Variants in HDAC9 observed in about 807,000 individuals in gnomAD.
HDAC9 encodes MEF-2 interacting transcription repressor (MITR) protein.
In HDAC9, 41 loss-of-function variants were observed where a neutral mutation model predicts 139.4. The observed-to-expected ratio is 0.29, with a 90% CI of 0.23 to 0.38. The LOEUF is 0.38. Among genes scored for constraint, HDAC9 ranks in the 10% least tolerant of loss-of-function variants. The probability of loss-of-function intolerance (pLI) is 1.00; values close to 1 mark genes in which losing one functional copy is unlikely to be tolerated. For synonymous variants in HDAC9, 517 were observed against 476.2 expected (o/e 1.09, Z -1.12); for missense variants, 1,147 against 1,297.0 (o/e 0.88, Z 1.78).
intron 21 of HDAC9, among the ~76,000 whole-genome samples, chr7:18,853,860 G>T (rs1198146483): frequency 6.6e-6 from 1 of 152,120 alleles, no homozygotes. Flanking sequence ...ATTTTTCTCA[G>T]AAGTTACCTA....
At chr7:18,961,173 C>G (rs1182694152) in intron 24 of HDAC9, among the ~76,000 whole-genome samples, 3 of 152,100 alleles carry the variant, frequency 2.0e-5, no homozygotes. Flanking sequence ...AAGGTATTCC[C>G]AATATTGGAA....
chr7:18,455,473 T>A (rs900342764), intron 1 of HDAC9, among the ~76,000 whole-genome samples: 1 of 152,238 alleles, frequency 6.6e-6, no homozygotes, highest in African/African-American at 2.4e-5. Context: ...TTGTTACTGG[T>A]ATTTATCTTT....
intron 17 of HDAC9, among the ~76,000 whole-genome samples, chr7:18,820,631 G>A (rs1794893403): frequency 1.3e-5 from 2 of 152,044 alleles, no homozygotes; most frequent in South Asian, 4.1e-4. Flanking sequence ...TGGCCAGAGG[G>A]AGAGGAAAAA....
chr7:18,385,385 A>G (rs1785823369), intron 1 of HDAC9, among the ~76,000 whole-genome samples: 1 of 152,148 alleles, frequency 6.6e-6, no homozygotes, highest in Non-Finnish European at 1.5e-5. Context: ...GAAATGAATA[A>G]AGTTGCCTTA....
rs189181386 is a variant in HDAC9 at position 18,632,268 on chromosome 7, T to G, written c.797-2359T>G. On this transcript the variant is annotated intron_variant, in intron 7 of 25. Transcript: ENST00000686413. ...CAGAAAGGCAGTGAGCAAAATGTGT[T>G]TAAGTATTTTATTATACTAATAATT... Among the ~76,000 whole-genome samples, 3 of 152,202 alleles carry G rather than the reference T, an allele frequency of 2.0e-5. No homozygotes were observed. The East Asian group carries it at 5.8e-4, about 29-fold the overall frequency.
At chr7:18,617,851 C>A (rs1162655470) in intron 6 of HDAC9, among the ~76,000 whole-genome samples, 2 of 152,040 alleles carry the variant, frequency 1.3e-5, no homozygotes, top group Non-Finnish European at 2.9e-5. Context: ...ATTTAAAATT[C>A]TAGAAGTTGT....
chr7:18,836,258 A>C (rs908917602), intron 21 of HDAC9, among the ~76,000 whole-genome samples: 1 of 152,156 alleles, frequency 6.6e-6, no homozygotes, highest in East Asian at 1.9e-4. Context: ...TCTCTGGAAA[A>C]TTCTGCCTAT....
upstream of HDAC9, chr7:18,290,270 A>G (rs1797721458): frequency 1.2e-5 from 4 of 329,590 alleles, no homozygotes; most frequent in South Asian, 1.0e-4. Context: ...CTTTGCCCCC[A>G]AGTTATGCAG....
chr7:18,265,334 A>G (rs181398468), intron 2 of HDAC9, among the ~76,000 whole-genome samples: 10 of 152,330 alleles, frequency 6.6e-5, no homozygotes, highest in African/African-American at 4.8e-5. Flanking sequence ...TGGAAGCACT[A>G]TCTGCTATTA....
chr7:18,276,141 G>T (rs1038045886), intron 2 of HDAC9, among the ~76,000 whole-genome samples: 2 of 152,092 alleles, frequency 1.3e-5, no homozygotes, highest in Non-Finnish European at 2.9e-5. Flanking sequence ...AAAAATAATT[G>T]CAATCATAGT....
At chr7:18,310,838 ACACACACACACT>A (rs1183181767) in intron 1 of HDAC9, among the ~76,000 whole-genome samples, 23 of 151,422 alleles carry the variant, frequency 1.5e-4, no homozygotes, top group African/African-American at 5.6e-4. Flanking sequence ...ACACACACAC[ACACACACACACT>A]CTCTTACTAA....
chr7:18,757,948 A>G (rs17139823), intron 14 of HDAC9, among the ~76,000 whole-genome samples: 288 of 152,320 alleles, frequency 1.9e-3, no homozygotes, highest in African/African-American at 6.4e-3. Flanking sequence ...CAACCTGAAT[A>G]TAGACTGTTT....
chr7:18,420,669 C>G (rs758473876), intron 1 of HDAC9, among the ~76,000 whole-genome samples: 1 of 152,162 alleles, frequency 6.6e-6, no homozygotes, highest in Admixed American at 6.5e-5. Flanking sequence ...GTGGATCATG[C>G]AGACTCAGTG....
At chr7:18,566,725 C>G (rs1477974329) in intron 2 of HDAC9, among the ~76,000 whole-genome samples, 1 of 152,172 alleles carries the variant, frequency 6.6e-6, no homozygotes, top group Non-Finnish European at 1.5e-5. Flanking sequence ...TGGGCATTAG[C>G]AAGCAATTGA....
chr7:18,264,240 A>G (rs1562810232), intron 2 of HDAC9, among the ~76,000 whole-genome samples: 1 of 152,228 alleles, frequency 6.6e-6, no homozygotes, highest in Non-Finnish European at 1.5e-5. Flanking sequence ...GTGCTCAAGG[A>G]CTATTCCAGG....
At chr7:18,904,580 T>A (rs1042803894) in intron 22 of HDAC9, among the ~76,000 whole-genome samples, 1 of 140,352 alleles carries the variant, frequency 7.1e-6, no homozygotes, top group Admixed American at 7.0e-5. Context: ...TTCTTTTTTT[T>A]TTTTTTTTTT....
chr7:18,882,956 A>G (rs1159895761), intron 22 of HDAC9, among the ~76,000 whole-genome samples: 1 of 152,170 alleles, frequency 6.6e-6, no homozygotes, highest in African/African-American at 2.4e-5. Context: ...TTTAATTAAA[A>G]GCCAGTTTAG....
chr7:18,843,023 C>A (rs1023848866), intron 21 of HDAC9, among the ~76,000 whole-genome samples: 1 of 151,968 alleles, frequency 6.6e-6, no homozygotes, highest in East Asian at 1.9e-4. Flanking sequence ...TTTAAAAGGT[C>A]GGATCAGCTA....
At chr7:18,699,323 A>G (rs1783285634) in intron 12 of HDAC9, among the ~76,000 whole-genome samples, 2 of 152,208 alleles carry the variant, frequency 1.3e-5, no homozygotes, top group African/African-American at 4.8e-5. Context: ...GAATCTTAAA[A>G]GCACAGAGAG....
Sources: gnomAD v4.1 joint callset for allele counts (sites outside exome capture counted in the v4.1 genomes callset) on GRCh38, gnomAD v4.1.1 for gene constraint, MANE v1.5 for transcripts, NCBI Gene and HGNC (gene_info 2026-07-23, HGNC 2026-07-21) for gene names.